The following AP3B1 variants were observed in gnomAD, a reference collection of about 807,000 sequenced individuals.
AP3B1 encodes adaptor related protein complex 3 subunit beta 1, also known as AP-3 complex subunit beta-1.
In AP3B1, 61 loss-of-function variants were observed where a neutral mutation model predicts 132.5. That is an observed-to-expected ratio of 0.46 (90% CI 0.37 to 0.57). The LOEUF (loss-of-function observed/expected upper bound fraction) is 0.57. Ranked by LOEUF, AP3B1 falls within the 20% of genes least tolerant of loss-of-function variation. AP3B1 has a pLI of 0.00. For synonymous variants in AP3B1, 388 were observed against 438.3 expected (o/e 0.89, Z 1.43); for missense variants, 1,120 against 1,289.4 (o/e 0.87, Z 2.01).
intron 22 of AP3B1, among the ~76,000 whole-genome samples, chr5:78,073,669 T>C (rs1168988921): frequency 1.3e-5 from 2 of 152,174 alleles, no homozygotes; most frequent in African/African-American, 2.4e-5. Context: ...TTTAAAAACA[T>C]ATTACATTTT....
At chr5:78,183,105 T>C (rs1744437289) in intron 7 of AP3B1, among the ~76,000 whole-genome samples, 1 of 152,188 alleles carries the variant, frequency 6.6e-6, no homozygotes, top group Non-Finnish European at 1.5e-5. Context: ...GAACAGTACC[T>C]TGTATCCCTC....
At chr5:78,118,636 G>A (rs376113862) in intron 17 of AP3B1, among the ~76,000 whole-genome samples, 2 of 152,002 alleles carry the variant, frequency 1.3e-5, no homozygotes, top group Non-Finnish European at 2.9e-5. Flanking sequence ...AGGGGCGCCT[G>A]CCATTGCCCA....
chr5:78,036,224 T>A (rs1389042669), intron 23 of AP3B1, among the ~76,000 whole-genome samples: 1 of 152,168 alleles, frequency 6.6e-6, no homozygotes, highest in African/African-American at 2.4e-5. Context: ...ATCAATGGCA[T>A]GTTTTATTAT....
intron 7 of AP3B1, among the ~76,000 whole-genome samples, chr5:78,209,983 G>A (rs1745666730): frequency 6.6e-6 from 1 of 152,064 alleles, no homozygotes; most frequent in Admixed American, 6.5e-5. Flanking sequence ...CATAACCAAT[G>A]GGAAGAGAGG....
intron 2 of AP3B1, among the ~76,000 whole-genome samples, chr5:78,250,030 T>C (rs1451138711): frequency 2.0e-5 from 3 of 152,246 alleles, no homozygotes; most frequent in Non-Finnish European, 2.9e-5. Context: ...TGCAGGGGTA[T>C]GGTTCACATA....
intron 7 of AP3B1, among the ~76,000 whole-genome samples, chr5:78,193,744 T>TTATATATATATATA: frequency 9.1e-6 from 1 of 110,414 alleles, no homozygotes; most frequent in Non-Finnish European, 1.9e-5. Flanking sequence ...ATATATTTTT[T>TTATATATATATATA]TATATATATA....
chr5:78,032,317 G>A (rs189427597), intron 24 of AP3B1, among the ~76,000 whole-genome samples: 281 of 152,194 alleles, frequency 1.8e-3, no homozygotes, highest in Non-Finnish European at 2.7e-3. Flanking sequence ...CAAATATGCT[G>A]TTATTACCCA....
At chr5:78,063,893 A>C (rs185215) in intron 22 of AP3B1, among the ~76,000 whole-genome samples, 1 of 152,164 alleles carries the variant, frequency 6.6e-6, no homozygotes, top group African/African-American at 2.4e-5. Context: ...TAAAATATGT[A>C]AACATAATAA....
chr5:78,027,097 T>A (rs1228381713), intron 24 of AP3B1, among the ~76,000 whole-genome samples: 1 of 152,118 alleles, frequency 6.6e-6, no homozygotes, highest in Non-Finnish European at 1.5e-5. Flanking sequence ...AGTTTTAAAT[T>A]TTTAATAGAA....
At chr5:78,177,843 C>G (rs1339436546) in intron 8 of AP3B1, among the ~76,000 whole-genome samples, 1 of 152,128 alleles carries the variant, frequency 6.6e-6, no homozygotes, top group African/African-American at 2.4e-5. Context: ...CACCAGAAGC[C>G]AGGAAAGAGA....
chr5:78,086,778 C>G (rs536910755), intron 22 of AP3B1, among the ~76,000 whole-genome samples: 1 of 152,090 alleles, frequency 6.6e-6, no homozygotes, highest in African/African-American at 2.4e-5. Context: ...TCATTAGACA[C>G]GTTAAACACG....
At chr5:78,276,196 G>C (rs2112575054) in intron 1 of AP3B1, among the ~76,000 whole-genome samples, 1 of 152,118 alleles carries the variant, frequency 6.6e-6, no homozygotes, top group African/African-American at 2.4e-5. Flanking sequence ...CTCCCAAGTA[G>C]CTGGGGCTAC....
At chr5:78,246,206 T>C (rs1432035446) in intron 2 of AP3B1, among the ~76,000 whole-genome samples, 1 of 152,224 alleles carries the variant, frequency 6.6e-6, no homozygotes, top group East Asian at 1.9e-4. Flanking sequence ...CATTTGACTT[T>C]TATTTTTTTT....
intron 1 of AP3B1, among the ~76,000 whole-genome samples, chr5:78,272,663 A>G (rs1269760767): frequency 1.3e-5 from 2 of 152,256 alleles, no homozygotes; most frequent in Admixed American, 6.5e-5. Context: ...GAGGAAAAGG[A>G]TACAGAAAGG....
chr5:78,127,577 T>C (rs1279126152), intron 17 of AP3B1, among the ~76,000 whole-genome samples: 8 of 152,188 alleles, frequency 5.3e-5, no homozygotes, highest in Admixed American at 5.2e-4. Context: ...TCCCTATTTA[T>C]GTTCAGGCTT....
chr5:78,232,600 T>G (rs1746693342), intron 3 of AP3B1, among the ~76,000 whole-genome samples: 1 of 152,246 alleles, frequency 6.6e-6, no homozygotes. Flanking sequence ...CTTGCTATAG[T>G]AAGCAATAAA....
chr5:78,074,808 C>G (rs576532504), intron 22 of AP3B1, among the ~76,000 whole-genome samples: 9 of 152,192 alleles, frequency 5.9e-5, no homozygotes, highest in African/African-American at 2.2e-4. Flanking sequence ...ACTAGCCGGG[C>G]GTGGTGGCAC....
intron 1 of AP3B1, among the ~76,000 whole-genome samples, chr5:78,288,261 C>T (rs1253259886): frequency 3.3e-5 from 5 of 152,174 alleles, no homozygotes; most frequent in African/African-American, 1.2e-4. Flanking sequence ...GAATTACTGA[C>T]GGTTAGTTCA....
At chr5:78,189,820 A>G (rs1261380931) in intron 7 of AP3B1, among the ~76,000 whole-genome samples, 1 of 151,788 alleles carries the variant, frequency 6.6e-6, no homozygotes, top group Non-Finnish European at 1.5e-5. Context: ...CAGTGAGCCA[A>G]GATCACGCCA....
Sources: allele counts gnomAD v4.1 joint callset (sites outside exome capture counted in the v4.1 genomes callset), GRCh38; gene constraint gnomAD v4.1.1; transcripts MANE v1.5; gene names NCBI Gene and HGNC (gene_info 2026-07-23, HGNC 2026-07-21).